SAPCD2: variants seen among roughly 807,000 people sequenced by gnomAD.
SAPCD2 encodes the protein suppressor APC domain-containing protein 2.
In SAPCD2, 34 loss-of-function variants were observed where a neutral mutation model predicts 37.8. The observed-to-expected ratio is 0.90, with a 90% confidence interval of 0.68 to 1.20. The LOEUF is 1.20. Ranked by LOEUF, SAPCD2 falls within the 50% of genes most tolerant of loss-of-function variation. The pLI is 0.00. For synonymous variants in SAPCD2, 275 were observed against 270.3 expected (o/e 1.02, Z -0.17); for missense variants, 572 against 584.7 (o/e 0.98, Z 0.22).
Position 137,064,852 on chromosome 9 carries a change from G to A in SAPCD2, c.1056+11C>T, listed in dbSNP as rs188910599. On this transcript the variant is annotated intron_variant, in intron 5 of 5. Transcript: ENST00000409687. ...ACCCCCACCCCTGCACCCCTCCCGC[G>A]CCTGCCCTACCTGGGTGAGGAGTCG... 1,884 of 1,568,388 alleles carry A rather than the reference G, an allele frequency of 1.2e-3. 32 individuals are homozygous for A. The East Asian group carries it at 0.037, about 31-fold the overall frequency.
At chr9:137,069,808 A>T in intron 1 of SAPCD2, 82 bp downstream of exon 1, 1 of 971,742 alleles carries the variant, frequency 1.0e-6, no homozygotes, top group Non-Finnish European at 1.3e-6. Context: ...TGGGAAATGC[A>T]CGGGCAGCAG....
Position 137,063,026 on chromosome 9 carries a change from T to G in SAPCD2, c.*1633A>C, listed in dbSNP as rs2131525681. 6.6e-6 allele frequency: 1 copy of G among 152,328 alleles called. No individual in the cohort carries two copies. The allele number at this position is 152,328 out of a possible 1,614,324, so 9.4% of individuals were successfully genotyped here. On this transcript the variant is annotated 3_prime_UTR_variant, in exon 6 of 6. Coordinates refer to ENST00000409687, the MANE Select transcript of SAPCD2 (RefSeq NM_178448.4). ...TGGCAGGCACCCTCAAAGGCAGACG[T>G]GGGGAGGCCCTGGTGGGCAGACCCC...
rs774050006 is a variant in SAPCD2 at position 137,064,608 on chromosome 9, C to T, written c.*51G>A. ...GTGGGTGCGATGGGGCGCCCACCCT[C>T]GAAGGGCTGAGTGCCAGGCTGGCCC... On this transcript the variant is annotated 3_prime_UTR_variant, in exon 6 of 6. Coordinates refer to ENST00000409687, the MANE Select transcript of SAPCD2 (RefSeq NM_178448.4). 41 of 1,561,156 alleles carry T rather than the reference C, an allele frequency of 2.6e-5. No homozygotes were observed. The highest frequency in any genetic ancestry group is 4.7e-5 in the South Asian group (4 of 84,972).
Position 137,070,223 on chromosome 9 carries a change from C to A in SAPCD2, c.238G>T (p.Gly80Cys). 1.4e-6 allele frequency: 2 copies of A among 1,404,084 alleles called. No homozygotes were observed. Among genetic ancestry groups the A allele is most frequent in the Non-Finnish European group, 9.3e-7 (1 of 1,073,808 alleles). The allele number at this position is 1,404,084 out of a possible 1,614,324, so 87.0% of individuals were successfully genotyped here. A position where few individuals can be genotyped will look rare whatever the true frequency, so the allele number is the denominator to read the frequency against. The change falls in exon 1 of 6, where the codon GGC (glycine) becomes TGC (cysteine). Residue 80 changes from glycine to cysteine, a missense_variant. By Grantham distance (159) the Gly-to-Cys change is radical (BLOSUM62 -3). Coordinates refer to ENST00000409687, the MANE Select transcript of SAPCD2 (RefSeq NM_178448.4). ...ACGAAGCGCTCGAAGGTCAGGTAGC[C>A]GCTGGCCGGGGCCACCTGGCGCAAG... ...EGLRQVAPAS[G>C]YLTFERFVAG...
In SAPCD2 at chr9:137,065,580, T is replaced by G; in HGVS notation, c.773A>C (p.Gln258Pro). 6.2e-7 allele frequency: 1 copy of G among 1,610,352 alleles called. No homozygotes were observed. Among genetic ancestry groups the G allele is most frequent in the African/African-American group, 1.3e-5 (1 of 75,014 alleles). Residue 258 changes from glutamine to proline, a missense_variant, in exon 3 of 6, where the codon CAG becomes CCG. Physicochemically the swap from Gln to Pro is moderately conservative, Grantham distance 76. Coordinates refer to ENST00000409687, the MANE Select transcript of SAPCD2 (RefSeq NM_178448.4). ...MMARGRDWYQQQLQRVQERQR... is the reference protein window; with the variant it reads ...MMARGRDWYQPQLQRVQERQR... ...GCGCTCCTGCACTCGTTGCAGCTGCTGCTGGTACCAGTCGCGGCCCCGCGC... is the reference window on the plus strand; with the variant it reads ...GCGCTCCTGCACTCGTTGCAGCTGCGGCTGGTACCAGTCGCGGCCCCGCGC...
In SAPCD2 at chr9:137,065,524, C is replaced by T. The variant is rs146866219; in HGVS notation, c.829G>A (p.Ala277Thr). 307 of 1,597,836 alleles carry T rather than the reference C, an allele frequency of 1.9e-4. No individual in the cohort carries two copies. The highest frequency in any genetic ancestry group is 4.3e-4 in the Middle Eastern group (2 of 4,686). Reference protein sequence around the residue: ...QRRLGQSRASADFGAAGSPRP... With the variant: ...QRRLGQSRASTDFGAAGSPRP... Reference sequence around the variant, plus strand: ...GGGGACAGGGCTGTGGCACTCACGGCGCTGGCTCTGCTCTGGCCCAGGCGG... The same window carrying T: ...GGGGACAGGGCTGTGGCACTCACGGTGCTGGCTCTGCTCTGGCCCAGGCGG... Residue 277 changes from alanine (A) to threonine (T), a missense_variant and splice_region_variant, in exon 3 of 6, where the codon GCC becomes ACC. Physicochemically the swap from Ala to Thr is moderately conservative, Grantham distance 58. Transcript: ENST00000409687.
At position 137,069,874 on chromosome 9, in the gene SAPCD2, G is replaced by A; in HGVS notation, c.571+16C>T. On this transcript the variant is annotated intron_variant, in intron 1 of 5. Transcript: ENST00000409687. ...GGGAGAGCTACGAGGGTGCCCGGGG[G>A]CCGTCCGGAACTCACCTGCGTCCGC... 3 of 1,257,790 alleles carry A rather than the reference G, an allele frequency of 2.4e-6. No homozygotes were observed. Among genetic ancestry groups the A allele is most frequent in the African/African-American group, 1.6e-5 (1 of 64,272 alleles). The allele number at this position is 1,257,790 out of a possible 1,614,324, so 77.9% of individuals were successfully genotyped here. A position where few individuals can be genotyped will look rare whatever the true frequency, so the allele number is the denominator to read the frequency against.
rs1297250915 is a variant in SAPCD2 at position 137,064,249 on chromosome 9, C to T, written c.*410G>A. 2 of 241,392 alleles carry T rather than the reference C, an allele frequency of 8.3e-6. No homozygotes were observed. Among genetic ancestry groups the T allele is most frequent in the South Asian group, 4.3e-5 (1 of 23,192 alleles). 15.0% of individuals were successfully genotyped at this position (241,392 alleles called of 1,614,324 possible). On this transcript the variant is annotated 3_prime_UTR_variant, in exon 6 of 6. Coordinates refer to ENST00000409687, the MANE Select transcript of SAPCD2 (RefSeq NM_178448.4). ...CCCTTGGACCCGCGTCGGAGCCGCC[C>T]CGCGCCCTCTGCTGCCCGTTGTTGG...
chr9:137,066,435 G>T, intron 1 of SAPCD2, 61 bp from the exon 2 acceptor site: 1 of 1,339,482 alleles, frequency 7.5e-7, no homozygotes, highest in Non-Finnish European at 1.0e-6. Context: ...GCTCTGCTGA[G>T]GTGCAGCGGC....
rs746180084 is a variant in SAPCD2 at position 137,065,635 on chromosome 9, CCTT to C, written c.715_717del (p.Lys239del). 1.9e-6 allele frequency: 3 copies of C among 1,606,736 alleles called. No individual in the cohort carries two copies. The African/African-American group carries it at 4.0e-5, about 21-fold the overall frequency. On this transcript the variant is annotated inframe_deletion, in exon 3 of 6. Transcript: ENST00000409687. Reference sequence around the variant, plus strand: ...ATCTCCAAACCCTGCAGCAGCACCTCCTTCTCCTGCTCCAGCTCCTTCATCTGC... The same window carrying C: ...ATCTCCAAACCCTGCAGCAGCACCTCCTCCTGCTCCAGCTCCTTCATCTGC...
At chr9:137,068,251 G>A (rs1832576931) in intron 1 of SAPCD2, among the ~76,000 whole-genome samples, 1 of 152,230 alleles carries the variant, frequency 6.6e-6, no homozygotes. Flanking sequence ...TGGGAGCAGA[G>A]AGGGTACAGA....
In SAPCD2 at chr9:137,070,409, C is replaced by T. The variant is rs1832609484; in HGVS notation, c.52G>A (p.Ala18Thr). ...ERGRVPPPAP[A>T]PSTEGLPRAF... ...CGCGGCAGCCCCTCCGTGCTGGGCG[C>T]GGGTGCGGGGGGAGGCACGCGGCCC... The change falls in exon 1 of 6, where the codon GCG becomes ACG. Residue 18 changes from alanine (A) to threonine (T), a missense_variant. By Grantham distance (58) the Ala-to-Thr change is moderately conservative. Transcript: ENST00000409687. The T allele has an allele frequency of 1.5e-6, 2 of 1,328,146 alleles. No individual in the cohort carries two copies. The highest frequency in any genetic ancestry group is 2.8e-4 in the Middle Eastern group (1 of 3,572). The allele number at this position is 1,328,146 out of a possible 1,614,324, so 82.3% of individuals were successfully genotyped here.
Position 137,070,064 on chromosome 9 carries a change from T to A in SAPCD2, c.397A>T (p.Thr133Ser), listed in dbSNP as rs1209447739. ...LVFAPADEPR[T>S]VLERKPLPLG... ...GGCAGGGGCTTCCTCTCCAGGACCG[T>A]CCGCGGCTCGTCGGCCGGAGCGAAC... Residue 133 changes from threonine to serine, a missense_variant, in exon 1 of 6, where the codon ACG (threonine) becomes TCG (serine). Transcript: ENST00000409687. 50 of 1,196,236 alleles carry A rather than the reference T, an allele frequency of 4.2e-5. No homozygotes were observed. The highest frequency in any genetic ancestry group is 5.0e-5 in the Non-Finnish European group (48 of 965,438). 74.1% of individuals were successfully genotyped at this position (1,196,236 alleles called of 1,614,324 possible).
In SAPCD2 at chr9:137,069,969, C is replaced by A; in HGVS notation, c.492G>T (p.Pro164=). The change falls in exon 1 of 6, where the codon CCG becomes CCT. Residue 164 remains proline (P), a synonymous_variant. Coordinates refer to ENST00000409687, the MANE Select transcript of SAPCD2 (RefSeq NM_178448.4). The part of the protein sequence containing the change: ...AARSPEQLCA[P]AEAAPCPAEP... ...CCGCGGGGCAGGGCGCCGCCTCAGC[C>A]GGGGCGCACAGCTGCTCCGGGCTGC... 1.5e-5 allele frequency: 19 copies of A among 1,248,094 alleles called. No homozygotes were observed. Among genetic ancestry groups the A allele is most frequent in the Non-Finnish European group, 1.9e-5 (19 of 997,656 alleles). 77.3% of individuals were successfully genotyped at this position (1,248,094 alleles called of 1,614,324 possible). A position where few individuals can be genotyped will look rare whatever the true frequency, so the allele number is the denominator to read the frequency against.
At position 137,070,256 on chromosome 9, in the gene SAPCD2, G is replaced by T; in HGVS notation, c.205C>A (p.Leu69Met). 2 of 1,443,518 alleles carry T rather than the reference G, an allele frequency of 1.4e-6. No homozygotes were observed. The highest frequency in any genetic ancestry group is 1.3e-5 in the South Asian group (1 of 75,144). The allele number at this position is 1,443,518 out of a possible 1,614,324, so 89.4% of individuals were successfully genotyped here. A position where few individuals can be genotyped will look rare whatever the true frequency, so the allele number is the denominator to read the frequency against. The change falls in exon 1 of 6, where the codon CTG becomes ATG. Residue 69 changes from leucine to methionine, a missense_variant. By Grantham distance (15) the Leu-to-Met change is conservative. Transcript: ENST00000409687. ...TDARELPRGVLEGLRQVAPAS... is the reference protein window; with the variant it reads ...TDARELPRGVMEGLRQVAPAS... The stretch of plus-strand genomic sequence containing the variant: ...GGGGCCACCTGGCGCAAGCCCTCCA[G>T]CACCCCGCGGGGCAGCTCCCGCGCG...
chr9:137,065,753 C>T (rs778372493), intron 2 of SAPCD2, 85 bp from the exon 3 acceptor site: 54 of 1,472,894 alleles, frequency 3.7e-5, no homozygotes, highest in Admixed American at 1.2e-4. Context: ...TGTGGGTGGG[C>T]ACCAGAGCCA....
intron 1 of SAPCD2, among the ~76,000 whole-genome samples, chr9:137,068,354 G>C (rs558679868): frequency 6.6e-6 from 1 of 152,252 alleles, no homozygotes; most frequent in African/African-American, 2.4e-5. Flanking sequence ...AGATAGCAGC[G>C]TGCTGGGTGA....
In SAPCD2 at chr9:137,064,726, T is replaced by C. The variant is rs1243718312; in HGVS notation, c.1118A>G (p.Lys373Arg). The change falls in exon 6 of 6, where the codon AAG becomes AGG. Residue 373 changes from lysine to arginine, a missense_variant. Transcript: ENST00000409687. ...QLEQEKSALI[K>R]QLFEARALSQ... ...CAGGGCGCGGGCCTCAAACAGCTGCTTAATGAGCGCCGACTTCTCCTGCTC... is the reference window on the plus strand; with the variant it reads ...CAGGGCGCGGGCCTCAAACAGCTGCCTAATGAGCGCCGACTTCTCCTGCTC... 1.3e-6 allele frequency: 2 copies of C among 1,591,916 alleles called. No individual in the cohort carries two copies. Among genetic ancestry groups the C allele is most frequent in the Admixed American group, 3.5e-5 (2 of 57,474 alleles).
rs1263961919 is a variant in SAPCD2 at position 137,070,178 on chromosome 9, G to A, written c.283C>T (p.Leu95=). Residue 95 remains leucine (L), a synonymous_variant, in exon 1 of 6, where the codon CTG becomes TTG. Transcript: ENST00000409687. ...CGGGGGCCGCCGTCGGCGCTCAGCA[G>A]GGAGGTGCGCAGGCCGGCCACGAAG... is the stretch of plus-strand genomic sequence containing the variant. ...ERFVAGLRTS[L]LSADGGPRDP... The A allele has an allele frequency of 1.5e-5, 20 of 1,325,736 alleles. No individual in the cohort carries two copies. Among genetic ancestry groups the A allele is most frequent in the Non-Finnish European group, 1.9e-5 (20 of 1,033,044 alleles). 82.1% of individuals were successfully genotyped at this position (1,325,736 alleles called of 1,614,324 possible). A position where few individuals can be genotyped will look rare whatever the true frequency, so the allele number is the denominator to read the frequency against.
Sources: allele counts gnomAD v4.1 joint callset (sites outside exome capture counted in the v4.1 genomes callset), GRCh38; gene constraint gnomAD v4.1.1; transcripts MANE v1.5; gene names NCBI Gene and HGNC (gene_info 2026-07-23, HGNC 2026-07-21).